PLSCR1: variants seen among roughly 807,000 people sequenced by gnomAD.
PLSCR1 encodes the protein PL scramblase 1.
A neutral mutation model predicts 37.8 loss-of-function variants in PLSCR1; 17 were observed. That is an observed-to-expected ratio of 0.45 (90% CI 0.31 to 0.68). The LOEUF (loss-of-function observed/expected upper bound fraction) is 0.68, where lower values mean the gene tolerates loss of function less well. PLSCR1 is among the 30% of genes least tolerant of loss of function. PLSCR1 has a pLI of 0.06. For missense variants in PLSCR1, 347 were observed against 380.9 expected, an observed-to-expected ratio of 0.91 and a Z score of 0.74; for synonymous variants, 116 against 125.9, an observed-to-expected ratio of 0.92 and a Z score of 0.53.
chr3:146,516,530 C>T lies in PLSCR1; in HGVS notation c.901-429G>A, dbSNP rs1042696390. ...TCTAATGTGAAGGCAATTTCAGAAT[C>T]ACTGGTATATCCAATTATTTCCTGT... On this transcript the variant is annotated intron_variant, in intron 8 of 8. Coordinates refer to ENST00000342435, the MANE Select transcript of PLSCR1 (RefSeq NM_021105.3). 7.7e-5 allele frequency: 13 copies of T among 168,996 alleles called. No individual in the cohort carries two copies. The East Asian group carries it at 2.2e-3, about 28-fold the overall frequency. 10.5% of individuals were successfully genotyped at this position (168,996 alleles called of 1,614,324 possible). A position where few individuals can be genotyped will look rare whatever the true frequency, so the allele number is the denominator to read the frequency against.
Position 146,525,185 on chromosome 3 carries a change from A to G in PLSCR1, c.355+420T>C, listed in dbSNP as rs148950102. Among the ~76,000 whole-genome samples the G allele has an allele frequency of 1.7e-4, 26 of 152,328 alleles. No homozygotes were observed. The East Asian group carries it at 4.4e-3, about 26-fold the overall frequency. ...TTTATAGGGTTCATCTTAACTCCCA[A>G]GAGAAACTGTGGGCACAAATGATAA... On this transcript the variant is annotated intron_variant, in intron 5 of 8. Transcript: ENST00000342435.
At chr3:146,533,239 T>C (rs1032355422) in intron 3 of PLSCR1, among the ~76,000 whole-genome samples, 9 of 152,184 alleles carry the variant, frequency 5.9e-5, no homozygotes, top group African/African-American at 2.2e-4. Context: ...CTTTATACCT[T>C]TACTGTCCTC....
At chr3:146,521,070 C>T (rs1047789617) in intron 7 of PLSCR1, among the ~76,000 whole-genome samples, 1 of 151,910 alleles carries the variant, frequency 6.6e-6, no homozygotes, top group African/African-American at 2.4e-5. Flanking sequence ...CTGGGTAGTA[C>T]ATATTATACT....
intron 1 of PLSCR1, among the ~76,000 whole-genome samples, chr3:146,539,754 G>C (rs1178228853): frequency 6.6e-6 from 1 of 152,178 alleles, no homozygotes; most frequent in Admixed American, 6.5e-5. Context: ...TAAAATCTGG[G>C]TCTTTGCTTT....
In PLSCR1 at chr3:146,533,565, G is replaced by A. The variant is rs1560088484; in HGVS notation, c.14-15C>T. The A allele has an allele frequency of 5.4e-6, 8 of 1,491,058 alleles. No homozygotes were observed. The South Asian group carries it at 9.3e-5, about 17-fold the overall frequency. 92.4% of individuals were successfully genotyped at this position (1,491,058 alleles called of 1,614,324 possible). A position where few individuals can be genotyped will look rare whatever the true frequency, so the allele number is the denominator to read the frequency against. Reference sequence around the variant, plus strand: ...CATCTGTGAGTCTGCAATTCAAGGAGAGGTAAATAGATGTCTGATTAAATA... The same window carrying A: ...CATCTGTGAGTCTGCAATTCAAGGAAAGGTAAATAGATGTCTGATTAAATA... On this transcript the variant is annotated splice_polypyrimidine_tract_variant and intron_variant, in intron 2 of 8. Transcript: ENST00000342435.
rs796223480 is a variant in PLSCR1 at position 146,526,219 on chromosome 3, AG to A, written c.313-573del. On this transcript the variant is annotated intron_variant, in intron 4 of 8. Coordinates refer to ENST00000342435, the MANE Select transcript of PLSCR1 (RefSeq NM_021105.3). ...AAAAAAAAAAAGAAAGAAAAAAAAAAGAAAAGAAAATTGATACAAAATGGCC... is the reference window on the plus strand; with the variant it reads ...AAAAAAAAAAAGAAAGAAAAAAAAAAAAAAGAAAATTGATACAAAATGGCC... 2.7e-3 allele frequency among the ~76,000 whole-genome samples: 408 copies of A among 150,726 alleles called. 2 individuals carry two copies. Among genetic ancestry groups the A allele is most frequent in the African/African-American group, 9.2e-3 (379 of 41,024 alleles).
chr3:146,539,190 G>T (rs183158607), intron 1 of PLSCR1, among the ~76,000 whole-genome samples: 1 of 152,214 alleles, frequency 6.6e-6, no homozygotes, highest in Non-Finnish European at 1.5e-5. Flanking sequence ...GACAGTGACC[G>T]ATCATCAGGC....
intron 7 of PLSCR1, among the ~76,000 whole-genome samples, chr3:146,519,468 C>A (rs908418103): frequency 9.2e-5 from 14 of 151,946 alleles, no homozygotes; most frequent in African/African-American, 3.1e-4. Flanking sequence ...ATATTTTTTC[C>A]CCCTACCAAG....
intron 5 of PLSCR1, among the ~76,000 whole-genome samples, chr3:146,525,339 T>C (rs1459281780): frequency 6.6e-6 from 1 of 152,210 alleles, no homozygotes; most frequent in Non-Finnish European, 1.5e-5. Flanking sequence ...AAAAGTGATG[T>C]ATGAAGAGAG....
intron 5 of PLSCR1, among the ~76,000 whole-genome samples, chr3:146,525,024 G>A (rs780021322): frequency 1.3e-4 from 20 of 152,302 alleles, no homozygotes; most frequent in Middle Eastern, 3.4e-3. Flanking sequence ...TTGCACCTAA[G>A]GAGCCCTGGA....
chr3:146,520,681 A>G (rs1174890537), intron 7 of PLSCR1, among the ~76,000 whole-genome samples: 2 of 152,188 alleles, frequency 1.3e-5, no homozygotes, highest in East Asian at 1.9e-4. Context: ...GGCAGATCAC[A>G]TAAATGAATG....
rs2107829770 is a variant in PLSCR1, at chr3:146,544,538, C to T, written c.-85G>A. 6.6e-6 allele frequency: 1 copy of T among 152,496 alleles called. No individual in the cohort carries two copies. Among genetic ancestry groups the T allele is most frequent in the Non-Finnish European group, 1.5e-5 (1 of 68,156 alleles). The allele number at this position is 152,496 out of a possible 1,614,324, so 9.4% of individuals were successfully genotyped here. On this transcript the variant is annotated 5_prime_UTR_variant, in exon 1 of 9. Coordinates refer to ENST00000342435, the MANE Select transcript of PLSCR1 (RefSeq NM_021105.3). ...AGCCGGGGCCAGGCGATGGCTTCCT[C>T]TTCTGCGCCTCTAGACTGCCGGGCA...
At chr3:146,529,027 T>C (rs1249938610) in intron 3 of PLSCR1, among the ~76,000 whole-genome samples, 196 bp from the exon 4 acceptor site, 1 of 152,336 alleles carries the variant, frequency 6.6e-6, no homozygotes, top group Non-Finnish European at 1.5e-5. Flanking sequence ...ATTTGGATGA[T>C]AGTATGCGGT....
intron 3 of PLSCR1, 130 bp from the exon 4 acceptor site, chr3:146,528,961 G>GTAT: frequency 1.5e-6 from 1 of 653,484 alleles, no homozygotes. Context: ...TGTTTAATAC[G>GTAT]CTTTTCTCTT....
At chr3:146,523,954 C>T (rs2044069303) in intron 5 of PLSCR1, among the ~76,000 whole-genome samples, 1 of 152,182 alleles carries the variant, frequency 6.6e-6, no homozygotes, top group Non-Finnish European at 1.5e-5. Context: ...GGAAAAGTCA[C>T]TCTATAATGC....
intron 5 of PLSCR1, among the ~76,000 whole-genome samples, chr3:146,525,297 G>T (rs2044092014): frequency 6.6e-6 from 1 of 152,200 alleles, no homozygotes; most frequent in Admixed American, 6.5e-5. Context: ...CACAATTACG[G>T]AGAAAATAGC....
chr3:146,525,434 C>T (rs576189331), intron 5 of PLSCR1, 171 bp downstream of exon 5: 8 of 543,598 alleles, frequency 1.5e-5, no homozygotes, highest in East Asian at 3.6e-5. Flanking sequence ...AGCATTTTAC[C>T]TTTTGATTCC....
intron 7 of PLSCR1, among the ~76,000 whole-genome samples, chr3:146,519,067 T>A (rs1476508294): frequency 1.3e-5 from 2 of 152,172 alleles, no homozygotes; most frequent in Non-Finnish European, 2.9e-5. Context: ...TGGTAAGCTA[T>A]TTTATTTACT....
At position 146,521,982 on chromosome 3, in the gene PLSCR1, C is replaced by T; in HGVS notation, c.427G>A (p.Ala143Thr). ...CGGGTACAGCAATCAGTATCTTCCG[C>T]TGCAAAGTAAACCCTCTGTCCAAAG... ...NSFGQRVYFA[A>T]EDTDCCTRNC... The change falls in exon 6 of 9, where the codon GCG becomes ACG. Residue 143 changes from alanine to threonine, a missense_variant. Transcript: ENST00000342435. The T allele has an allele frequency of 6.2e-7, 1 of 1,613,264 alleles. No homozygotes were observed. The highest frequency in any genetic ancestry group is 8.5e-7 in the Non-Finnish European group (1 of 1,179,196).
Sources: allele counts gnomAD v4.1 joint callset (sites outside exome capture counted in the v4.1 genomes callset), GRCh38; gene constraint gnomAD v4.1.1; transcripts MANE v1.5; gene names NCBI Gene and HGNC (gene_info 2026-07-23, HGNC 2026-07-21).